Variants in NAA35 observed in about 807,000 individuals in gnomAD.
NAA35 encodes the protein N-alpha-acetyltransferase 35, NatC auxiliary subunit, also known as MAK10 homolog, amino-acid N-acetyltransferase subunit.
In NAA35, 18 loss-of-function variants were observed where a neutral mutation model predicts 101.7. That is an observed-to-expected ratio of 0.18 (90% CI 0.12 to 0.26). NAA35 has a LOEUF of 0.26. Ranked by LOEUF, NAA35 falls within the 10% of genes least tolerant of loss-of-function variation. The pLI, the probability that NAA35 is intolerant of heterozygous loss-of-function variation, is 1.00. For missense variants in NAA35, 601 were observed against 886.8 expected (o/e 0.68, Z 4.09); for synonymous variants, 267 against 273.1 (o/e 0.98, Z 0.22).
intron 17 of NAA35, among the ~76,000 whole-genome samples, chr9:86,014,870 G>GT (rs1468844209): frequency 1.3e-5 from 2 of 152,034 alleles, no homozygotes; most frequent in Non-Finnish European, 2.9e-5. Context: ...TTACTAACAG[G>GT]TATTTATATA....
intron 10 of NAA35, 40 bp downstream of exon 10, chr9:85,977,486 A>T: frequency 6.9e-7 from 1 of 1,456,924 alleles, no homozygotes; most frequent in Non-Finnish European, 9.6e-7. Flanking sequence ...TGTTTTAGTG[A>T]TTTTGGCTGG....
At position 86,013,065 on chromosome 9, in the gene NAA35, A is replaced by G; in HGVS notation, c.1310A>G (p.Gln437Arg). 1 of 1,583,836 alleles carries G rather than the reference A, an allele frequency of 6.3e-7. No homozygotes were observed. Among genetic ancestry groups the G allele is most frequent in the Non-Finnish European group, 8.6e-7 (1 of 1,159,844 alleles). ...HCVRPFCSLI[Q>R]IHGHNRARQR... The stretch of plus-strand genomic sequence containing the variant: ...TTGCAGCCATTCTGTAGTCTTATTC[A>G]GATCCATGGACATAACAGGGCTCGA... The change falls in exon 16 of 23, where the codon CAG becomes CGG. Residue 437 changes from glutamine (Q) to arginine (R), a missense_variant. Gln to Arg is a conservative substitution (Grantham distance 43). Coordinates refer to ENST00000361671, the MANE Select transcript of NAA35 (RefSeq NM_024635.4).
Position 85,941,216 on chromosome 9 carries a change from T to A in NAA35, c.-63T>A. ...GGGGGCGGCGGCGGCCGAGGCGGCG[T>A]CGTTATTTCCGTGGTCCGGACAGTG... On this transcript the variant is annotated 5_prime_UTR_variant, in exon 1 of 23. Coordinates refer to ENST00000361671, the MANE Select transcript of NAA35 (RefSeq NM_024635.4). 2.0e-6 allele frequency: 2 copies of A among 986,144 alleles called. No homozygotes were observed. The highest frequency in any genetic ancestry group is 2.4e-6 in the Non-Finnish European group (2 of 830,750). 61.1% of individuals were successfully genotyped at this position (986,144 alleles called of 1,614,324 possible). A position where few individuals can be genotyped will look rare whatever the true frequency, so the allele number is the denominator to read the frequency against.
intron 12 of NAA35, among the ~76,000 whole-genome samples, 176 bp from the exon 13 acceptor site, chr9:86,003,409 C>T (rs993284206): frequency 6.6e-6 from 1 of 151,976 alleles, no homozygotes; most frequent in Admixed American, 6.6e-5. Flanking sequence ...TAGAATTATC[C>T]ATTGTCCCTT....
At chr9:85,993,958 G>A (rs1217745746) in intron 11 of NAA35, among the ~76,000 whole-genome samples, 1 of 151,814 alleles carries the variant, frequency 6.6e-6, no homozygotes, top group African/African-American at 2.4e-5. Context: ...ACAGGCATGA[G>A]CCAGGACACC....
chr9:86,007,754 C>T lies in NAA35; in HGVS notation c.1223+290C>T, dbSNP rs185454507. 1.2e-3 allele frequency among the ~76,000 whole-genome samples: 188 copies of T among 152,236 alleles called. 4 individuals carry two copies. The South Asian group carries it at 0.033, about 27-fold the overall frequency. On this transcript the variant is annotated intron_variant, in intron 14 of 22. Coordinates refer to ENST00000361671, the MANE Select transcript of NAA35 (RefSeq NM_024635.4). ...CCCGAAAACATGCTGCCATCAGAGG[C>T]TGAAAGGATTGCATGCAGAAAGAAT... is the stretch of plus-strand genomic sequence containing the variant.
chr9:86,015,725 G>C (rs1167286908), intron 17 of NAA35: 1 of 922,316 alleles, frequency 1.1e-6, no homozygotes, highest in Non-Finnish European at 1.3e-6. Context: ...TGAGGTACCT[G>C]ATATTTGAGA....
At chr9:86,021,871 C>G (rs1050841236) in intron 22 of NAA35, 30 bp from the exon 23 acceptor site, 2 of 1,535,224 alleles carry the variant, frequency 1.3e-6, no homozygotes, top group Non-Finnish European at 1.8e-6. Context: ...TTTGTAGATA[C>G]ATTAATTGAG....
At chr9:85,950,909 G>A (rs898238305) in intron 2 of NAA35, among the ~76,000 whole-genome samples, 2 of 152,138 alleles carry the variant, frequency 1.3e-5, no homozygotes, top group Admixed American at 1.3e-4. Flanking sequence ...GGCCAAGGCG[G>A]GTGGATTACT....
At chr9:85,967,719 G>C (rs372205284) in intron 6 of NAA35, among the ~76,000 whole-genome samples, 1 of 151,456 alleles carries the variant, frequency 6.6e-6, no homozygotes, top group African/African-American at 2.4e-5. Context: ...GGAGAATGGC[G>C]TGAACCCGGG....
chr9:85,958,432 G>C, intron 3 of NAA35, 40 bp from the exon 4 acceptor site: 1 of 1,278,154 alleles, frequency 7.8e-7, no homozygotes, highest in Non-Finnish European at 1.1e-6. Context: ...AAGCTTACTG[G>C]CTCAAAAACA....
intron 6 of NAA35, among the ~76,000 whole-genome samples, chr9:85,968,446 G>A (rs979422079): frequency 1.3e-5 from 2 of 152,034 alleles, no homozygotes; most frequent in East Asian, 1.9e-4. Flanking sequence ...TCCTGACCTC[G>A]TGATCTGCCC....
At chr9:86,003,041 G>A (rs1012710970) in intron 12 of NAA35, among the ~76,000 whole-genome samples, 20 of 152,258 alleles carry the variant, frequency 1.3e-4, no homozygotes, top group East Asian at 9.7e-4. Context: ...TCACTGGGCC[G>A]AGGCTTTCTG....
intron 2 of NAA35, among the ~76,000 whole-genome samples, chr9:85,950,462 C>T (rs1316085957): frequency 6.6e-6 from 1 of 152,150 alleles, no homozygotes; most frequent in Non-Finnish European, 1.5e-5. Flanking sequence ...CCAGGCTGTT[C>T]TCGAACTCCT....
intron 6 of NAA35, among the ~76,000 whole-genome samples, chr9:85,967,300 A>C (rs1469810096): frequency 6.6e-6 from 1 of 152,084 alleles, no homozygotes; most frequent in Non-Finnish European, 1.5e-5. Flanking sequence ...AACATGGAGA[A>C]ATGCATATGT....
intron 11 of NAA35, among the ~76,000 whole-genome samples, chr9:85,993,825 A>G (rs1369509213): frequency 6.6e-6 from 1 of 151,840 alleles, no homozygotes; most frequent in Non-Finnish European, 1.5e-5. Flanking sequence ...CTTTGCATCT[A>G]TTAGATAGGG....
At chr9:85,996,689 C>A in intron 12 of NAA35, 112 bp downstream of exon 12, 2 of 739,526 alleles carry the variant, frequency 2.7e-6, no homozygotes, top group South Asian at 2.2e-5. Flanking sequence ...TAATTGATTG[C>A]TTTATAGACA....
At chr9:85,958,682 T>A in intron 4 of NAA35, 96 bp downstream of exon 4, 1 of 713,858 alleles carries the variant, frequency 1.4e-6, no homozygotes, top group Non-Finnish European at 2.2e-6. Flanking sequence ...TGTATTAAAG[T>A]CTGTTTCCTT....
intron 1 of NAA35, 149 bp from the exon 2 acceptor site, chr9:85,942,006 C>A: frequency 7.7e-7 from 1 of 1,293,650 alleles, no homozygotes; most frequent in Non-Finnish European, 1.0e-6. Flanking sequence ...TAAGGTTATT[C>A]TTTGCAGTAC....
Sources: allele counts gnomAD v4.1 joint callset (sites outside exome capture counted in the v4.1 genomes callset), GRCh38; gene constraint gnomAD v4.1.1; transcripts MANE v1.5; gene names NCBI Gene and HGNC (gene_info 2026-07-23, HGNC 2026-07-21).